Variants in SYT16 observed in about 807,000 individuals in gnomAD.
SYT16 encodes synaptotagmin 16.
SYT16 carries 42 observed loss-of-function variants against 61.4 expected under a neutral mutation model. The observed-to-expected ratio is 0.68, with a 90% CI of 0.53 to 0.89. The LOEUF (loss-of-function observed/expected upper bound fraction) is 0.89. Among genes scored for constraint, SYT16 ranks in the 40% least tolerant of loss-of-function variants. The pLI is 0.00. For synonymous variants in SYT16, 314 were observed against 302.3 expected, an observed-to-expected ratio of 1.04 and a Z score of -0.40; for missense variants, 804 against 807.3, an observed-to-expected ratio of 1.00 and a Z score of 0.05.
At chr14:61,924,044 G>C (rs1353105672) in intron 1 of SYT16, among the ~76,000 whole-genome samples, 2 of 152,152 alleles carry the variant, frequency 1.3e-5, no homozygotes, top group Admixed American at 1.3e-4. Context: ...GCTGAATCAG[G>C]ATGAAAGGAA....
intron 3 of SYT16, among the ~76,000 whole-genome samples, chr14:62,039,204 G>T (rs1459768269): frequency 6.6e-6 from 1 of 152,216 alleles, no homozygotes. Context: ...TGCTTTCAGT[G>T]TGCTAACAGT....
At chr14:62,079,057 C>T (rs1338313479) in intron 5 of SYT16, among the ~76,000 whole-genome samples, 2 of 152,114 alleles carry the variant, frequency 1.3e-5, no homozygotes, top group African/African-American at 4.8e-5. Flanking sequence ...AAATGCAATA[C>T]AGAGATGATC....
At chr14:61,951,945 A>G (rs935819749) in intron 1 of SYT16, among the ~76,000 whole-genome samples, 11 of 152,196 alleles carry the variant, frequency 7.2e-5, no homozygotes, top group Non-Finnish European at 1.5e-4. Context: ...AGGTGCCACC[A>G]TGCCCAGCTG....
At chr14:61,985,013 A>G (rs1485279325) in intron 2 of SYT16, among the ~76,000 whole-genome samples, 1 of 152,160 alleles carries the variant, frequency 6.6e-6, no homozygotes, top group Admixed American at 6.6e-5. Context: ...GCAACCACAA[A>G]GATCCCATTA....
chr14:62,002,627 G>C (rs923443465), intron 3 of SYT16, among the ~76,000 whole-genome samples: 2 of 152,016 alleles, frequency 1.3e-5, no homozygotes, highest in African/African-American at 4.8e-5. Flanking sequence ...CCCGGAGACA[G>C]GGGAATCTGC....
chr14:62,079,045 A>G (rs569405996), intron 5 of SYT16, among the ~76,000 whole-genome samples: 1 of 152,376 alleles, frequency 6.6e-6, no homozygotes, highest in African/African-American at 2.4e-5. Context: ...ACTTATGGTC[A>G]GAAATGCAAT....
intron 3 of SYT16, among the ~76,000 whole-genome samples, chr14:62,050,367 A>G (rs1408907546): frequency 6.6e-6 from 1 of 151,964 alleles, no homozygotes; most frequent in Non-Finnish European, 1.5e-5. Context: ...CTAGTTAGCC[A>G]TTCGTCCAAT....
chr14:61,837,696 A>G (rs1310803093), intron 1 of SYT16, among the ~76,000 whole-genome samples: 1 of 152,180 alleles, frequency 6.6e-6, no homozygotes, highest in Non-Finnish European at 1.5e-5. Context: ...ATTATTCTGT[A>G]TTGCCTGTCT....
At chr14:62,050,522 C>T (rs929606780) in intron 3 of SYT16, among the ~76,000 whole-genome samples, 2 of 152,200 alleles carry the variant, frequency 1.3e-5, no homozygotes, top group Non-Finnish European at 2.9e-5. Context: ...TGAGGAGCTG[C>T]GTTCCTTTGG....
At position 62,109,743 on chromosome 14, in the gene SYT16, G is replaced by A. The variant is rs923574792; in HGVS notation, c.*9036G>A. ...TTGAGCAATGAGTTAAATACCTGTCGATAAAAAGTGTTAATTATGTTATTA... is the reference window on the plus strand; with the variant it reads ...TTGAGCAATGAGTTAAATACCTGTCAATAAAAAGTGTTAATTATGTTATTA... On this transcript the variant is annotated 3_prime_UTR_variant, in exon 8 of 8. Transcript: ENST00000683842. 2.0e-5 allele frequency: 3 copies of A among 151,978 alleles called. No homozygotes were observed. Among genetic ancestry groups the A allele is most frequent in the Admixed American group, 1.3e-4 (2 of 15,250 alleles). The allele number at this position is 151,978 out of a possible 1,614,324, so 9.4% of individuals were successfully genotyped here. A position where few individuals can be genotyped will look rare whatever the true frequency, so the allele number is the denominator to read the frequency against.
intron 1 of SYT16, among the ~76,000 whole-genome samples, chr14:61,873,188 A>T (rs1468389102): frequency 6.6e-6 from 1 of 152,238 alleles, no homozygotes; most frequent in Non-Finnish European, 1.5e-5. Context: ...TATGATCTCA[A>T]ATAGTCCCTA....
At chr14:62,054,159 A>G (rs958650589) in intron 3 of SYT16, among the ~76,000 whole-genome samples, 3 of 152,200 alleles carry the variant, frequency 2.0e-5, no homozygotes, top group African/African-American at 7.2e-5. Flanking sequence ...GTGTTAGGGG[A>G]AAAGTGAACA....
intron 1 of SYT16, among the ~76,000 whole-genome samples, chr14:61,854,687 G>T (rs958210717): frequency 5.3e-5 from 8 of 152,306 alleles, no homozygotes; most frequent in African/African-American, 1.7e-4. Context: ...GGAAAGAGAG[G>T]AACCCAACAT....
rs2056576554 is a variant in SYT16, at chr14:62,078,172, A to ATATAAAC, written c.994-2662_994-2661insTATAAAC. ...CTCTCTCTCTATATATATATATATA[A>ATATAAAC]ACACACACACACACACACACACACA... On this transcript the variant is annotated intron_variant, in intron 5 of 7. Coordinates refer to ENST00000683842, the MANE Select transcript of SYT16 (RefSeq NM_001367656.1). Among the ~76,000 whole-genome samples, 308 of 128,816 alleles carry ATATAAAC rather than the reference A, an allele frequency of 2.4e-3. 1 individual carries two copies. The highest frequency in any genetic ancestry group is 4.4e-3 in the Non-Finnish European group (270 of 61,356). The allele number at this position is 128,816 out of a possible 152,430, so 84.5% of individuals were successfully genotyped here. A position where few individuals can be genotyped will look rare whatever the true frequency, so the allele number is the denominator to read the frequency against.
At chr14:61,842,961 A>G (rs1468610122) in intron 1 of SYT16, among the ~76,000 whole-genome samples, 2 of 152,192 alleles carry the variant, frequency 1.3e-5, no homozygotes, top group African/African-American at 4.8e-5. Context: ...AAAGTATCAC[A>G]TTTTCTTTAT....
intron 5 of SYT16, among the ~76,000 whole-genome samples, chr14:62,078,155 C>CTCTCTATATATATA (rs766089633): frequency 7.4e-6 from 1 of 135,936 alleles, no homozygotes; most frequent in African/African-American, 2.9e-5. Context: ...CTCTCTCTCT[C>CTCTCTATATATATA]TATATATATA....
intron 5 of SYT16, among the ~76,000 whole-genome samples, chr14:62,080,558 G>A (rs2056670341): frequency 6.6e-6 from 1 of 152,140 alleles, no homozygotes; most frequent in South Asian, 2.1e-4. Flanking sequence ...TTTTTGAGAG[G>A]CAGTATATAT....
At chr14:62,021,536 T>A (rs187503803) in intron 3 of SYT16, among the ~76,000 whole-genome samples, 6 of 152,226 alleles carry the variant, frequency 3.9e-5, no homozygotes, top group Admixed American at 3.9e-4. Context: ...TCTTCAACTG[T>A]GCCCAAAAGC....
intron 4 of SYT16, among the ~76,000 whole-genome samples, chr14:62,071,922 A>G (rs1034596176): frequency 6.6e-6 from 1 of 152,192 alleles, no homozygotes; most frequent in Non-Finnish European, 1.5e-5. Flanking sequence ...CCTTCATTCT[A>G]GATTCTGTGG....
Sources: gnomAD v4.1 joint callset for allele counts (sites outside exome capture counted in the v4.1 genomes callset) on GRCh38, gnomAD v4.1.1 for gene constraint, MANE v1.5 for transcripts, NCBI Gene and HGNC (gene_info 2026-07-23, HGNC 2026-07-21) for gene names.